Variants in MTR observed in about 807,000 individuals in gnomAD.
MTR encodes the protein 5-methyltetrahydrofolate-homocysteine methyltransferase, also known as methionine synthase.
In MTR, 84 loss-of-function variants were observed where a neutral mutation model predicts 154.8. That is an observed-to-expected ratio of 0.54 (90% CI 0.45 to 0.65). MTR has a LOEUF of 0.65. Among genes scored for constraint, MTR ranks in the 30% least tolerant of loss-of-function variants. The probability of loss-of-function intolerance (pLI) is 0.00; values close to 1 mark genes in which losing one functional copy is unlikely to be tolerated. For synonymous variants in MTR, 554 were observed against 553.9 expected, an observed-to-expected ratio of 1.00 and a Z score of 0.00; for missense variants, 1,275 against 1,570.2, an observed-to-expected ratio of 0.81 and a Z score of 3.18.
chr1:236,898,833 T>A lies in MTR; in HGVS notation c.*1189T>A, dbSNP rs2147970318. Reference sequence around the variant, plus strand: ...CTCATTTCTTACCATTTTATTCCCCTCAATTCTCAATATATTCAGTAATGA... The same window carrying A: ...CTCATTTCTTACCATTTTATTCCCCACAATTCTCAATATATTCAGTAATGA... On this transcript the variant is annotated 3_prime_UTR_variant, in exon 33 of 33. Transcript: ENST00000366577. 1 of 152,306 alleles carries A rather than the reference T, an allele frequency of 6.6e-6. No individual in the cohort carries two copies. Among genetic ancestry groups the A allele is most frequent in the Middle Eastern group, 3.4e-3 (1 of 294 alleles). 9.4% of individuals were successfully genotyped at this position (152,306 alleles called of 1,614,324 possible).
At chr1:236,806,108 A>G in intron 2 of MTR, 36 bp from the exon 3 acceptor site, 2 of 1,568,724 alleles carry the variant, frequency 1.3e-6, no homozygotes, top group Non-Finnish European at 8.8e-7. Flanking sequence ...AAGAAACTCT[A>G]AAGCTCATAA....
chr1:236,819,668 A>T, intron 8 of MTR: 1 of 637,334 alleles, frequency 1.6e-6, no homozygotes. Flanking sequence ...TGCAAATGAA[A>T]GAGGAGGATG....
At chr1:236,812,636 A>G (rs1273028021) in intron 5 of MTR, 102 bp from the exon 6 acceptor site, 13 of 893,846 alleles carry the variant, frequency 1.5e-5, no homozygotes, top group Non-Finnish European at 2.5e-5. Flanking sequence ...TGCATTGTAA[A>G]CCAGCAATAG....
chr1:236,864,146 TAGTA>T (rs1197438141), intron 22 of MTR, among the ~76,000 whole-genome samples: 1 of 152,214 alleles, frequency 6.6e-6, no homozygotes, highest in Non-Finnish European at 1.5e-5. Context: ...TGATGACCTG[TAGTA>T]AGTATGTGTT....
At chr1:236,882,521 G>T (rs780591293) in intron 25 of MTR, among the ~76,000 whole-genome samples, 8 of 151,598 alleles carry the variant, frequency 5.3e-5, no homozygotes, top group Non-Finnish European at 8.8e-5. Flanking sequence ...CTCACAAGTA[G>T]CTGGGATTAC....
chr1:236,808,872 G>A, intron 4 of MTR, 99 bp downstream of exon 4: 3 of 1,066,886 alleles, frequency 2.8e-6, no homozygotes, highest in Non-Finnish European at 4.4e-6. Flanking sequence ...TGTGGCCTTT[G>A]GCTTACGAGT....
chr1:236,809,321 G>C (rs1010471854), intron 4 of MTR, among the ~76,000 whole-genome samples: 1 of 152,222 alleles, frequency 6.6e-6, no homozygotes, highest in African/African-American at 2.4e-5. Flanking sequence ...TTGAAAAGTG[G>C]CTCCTGAAAT....
At chr1:236,874,274 T>C (rs1665304689) in intron 23 of MTR, among the ~76,000 whole-genome samples, 1 of 152,102 alleles carries the variant, frequency 6.6e-6, no homozygotes, top group Non-Finnish European at 1.5e-5. Context: ...GGAAAAGATG[T>C]CTTAGAATTA....
chr1:236,811,369 T>C (rs1385448419), intron 5 of MTR, among the ~76,000 whole-genome samples: 2 of 152,164 alleles, frequency 1.3e-5, no homozygotes, highest in Admixed American at 6.5e-5. Flanking sequence ...TAAACTACCA[T>C]ATATAAACAT....
intron 8 of MTR, among the ~76,000 whole-genome samples, chr1:236,820,993 C>A (rs905954511): frequency 1.3e-5 from 2 of 152,106 alleles, no homozygotes; most frequent in Non-Finnish European, 2.9e-5. Context: ...TTTAAAATTG[C>A]GTTTGTTGTT....
rs776103427 is a variant in MTR, at chr1:236,894,365, G to A, written c.3213G>A (p.Lys1071=). The part of the protein sequence containing the change: ...TFYGLRQQAE[K]DSASTEPYYC... ...CACTCCTTGGTTTTAAGGCTGAGAA[G>A]GACTCTGCCAGCACGGAGCCATACT... Residue 1071 remains lysine, a synonymous_variant, in exon 30 of 33, where the codon AAG becomes AAA. Coordinates refer to ENST00000366577, the MANE Select transcript of MTR (RefSeq NM_000254.3). The A allele has an allele frequency of 2.9e-5, 47 of 1,614,220 alleles. No homozygotes were observed. Among genetic ancestry groups the A allele is most frequent in the Non-Finnish European group, 3.9e-5 (46 of 1,180,034 alleles).
chr1:236,815,563 ACT>A, intron 6 of MTR, 39 bp from the exon 7 acceptor site: 1 of 1,604,674 alleles, frequency 6.2e-7, no homozygotes, highest in African/African-American at 1.3e-5. Flanking sequence ...TCTTGGACAC[ACT>A]CTCAGAAATA....
rs759704256 is a variant in MTR, at chr1:236,815,621, C to A, written c.627C>A (p.Leu209=). ...CCTGACAGGCAGCCTTGTTTGCACT[C>A]CAAAATCTTTTTGAGGAGAAATATG... The part of the protein sequence containing the change: ...TANAKAALFA[L]QNLFEEKYAP... The change falls in exon 7 of 33, where the codon CTC becomes CTA. Residue 209 remains leucine (L), a synonymous_variant. Transcript: ENST00000366577. 1.4e-5 allele frequency: 23 copies of A among 1,613,774 alleles called. 1 individual carries two copies. Among genetic ancestry groups the A allele is most frequent in the Middle Eastern group, 3.3e-4 (2 of 6,084 alleles).
Position 236,835,344 on chromosome 1 carries a change from G to C in MTR, c.1189-203G>C, listed in dbSNP as rs186509489. ...AAACAGCTTTGGTGGATTCTAAGCA[G>C]TGAGATGATGTGATGGAAGAGATGT... On this transcript the variant is annotated intron_variant, in intron 13 of 32. Coordinates refer to ENST00000366577, the MANE Select transcript of MTR (RefSeq NM_000254.3). 2.1e-3 allele frequency among the ~76,000 whole-genome samples: 325 copies of C among 152,188 alleles called. 2 individuals are homozygous for C. Among genetic ancestry groups the C allele is most frequent in the African/African-American group, 7.5e-3 (311 of 41,496 alleles).
chr1:236,897,001 T>C lies in MTR; in HGVS notation c.3599-5T>C, dbSNP rs764477793. 2.5e-6 allele frequency: 4 copies of C among 1,609,164 alleles called. No homozygotes were observed. The highest frequency in any genetic ancestry group is 1.7e-6 in the Non-Finnish European group (2 of 1,175,468). On this transcript the variant is annotated splice_region_variant and splice_polypyrimidine_tract_variant and intron_variant, in intron 31 of 32. Coordinates refer to ENST00000366577, the MANE Select transcript of MTR (RefSeq NM_000254.3). Reference sequence around the variant, plus strand: ...TAAGCATTTTCCCTGTGTTGCTCCCTCTAGGCATTAGGTTAACAGAATCAT... The same window carrying C: ...TAAGCATTTTCCCTGTGTTGCTCCCCCTAGGCATTAGGTTAACAGAATCAT...
chr1:236,878,708 A>T (rs896510680), intron 24 of MTR, among the ~76,000 whole-genome samples: 1 of 152,220 alleles, frequency 6.6e-6, no homozygotes, highest in African/African-American at 2.4e-5. Flanking sequence ...GGACAAGCTT[A>T]GTCTAGTGGA....
chr1:236,812,639 A>G, intron 5 of MTR, 99 bp from the exon 6 acceptor site: 2 of 906,004 alleles, frequency 2.2e-6, no homozygotes, highest in South Asian at 2.6e-5. Context: ...ATTGTAAACC[A>G]GCAATAGTTC....
intron 24 of MTR, among the ~76,000 whole-genome samples, chr1:236,877,811 T>C (rs556244991): frequency 1.3e-5 from 2 of 152,312 alleles, no homozygotes; most frequent in East Asian, 3.9e-4. Context: ...TGCCACATAG[T>C]TTTCCAAATT....
intron 14 of MTR, 151 bp from the exon 15 acceptor site, chr1:236,838,263 A>G: frequency 2.6e-6 from 2 of 774,796 alleles, no homozygotes; most frequent in Admixed American, 5.1e-5. Flanking sequence ...GGGCTTAAAG[A>G]ACAAGTATAT....
Sources: allele counts gnomAD v4.1 joint callset (sites outside exome capture counted in the v4.1 genomes callset), GRCh38; gene constraint gnomAD v4.1.1; transcripts MANE v1.5; gene names NCBI Gene and HGNC (gene_info 2026-07-23, HGNC 2026-07-21).